The following AP3B1 variants were observed in gnomAD, a reference collection of about 807,000 sequenced individuals.
The protein encoded by AP3B1 is AP-3 complex subunit beta-1.
AP3B1 carries 61 observed loss-of-function variants against 132.5 expected under a neutral mutation model. The observed-to-expected ratio is 0.46, with a 90% CI of 0.37 to 0.57. The LOEUF (loss-of-function observed/expected upper bound fraction) is 0.57. Ranked by LOEUF, AP3B1 falls within the 20% of genes least tolerant of loss-of-function variation. AP3B1 has a pLI of 0.00. For missense variants in AP3B1, 1,120 were observed against 1,289.4 expected, an observed-to-expected ratio of 0.87 and a Z score of 2.01; for synonymous variants, 388 against 438.3, an observed-to-expected ratio of 0.89 and a Z score of 1.43.
intron 2 of AP3B1, among the ~76,000 whole-genome samples, chr5:78,264,363 G>A (rs925975483): frequency 2.6e-5 from 4 of 152,154 alleles, no homozygotes; most frequent in Non-Finnish European, 4.4e-5. Context: ...CAAAAACAGA[G>A]AGAAAAGGTT....
At chr5:78,068,514 G>GA (rs1461338215) in intron 22 of AP3B1, among the ~76,000 whole-genome samples, 2 of 152,214 alleles carry the variant, frequency 1.3e-5, no homozygotes, top group East Asian at 1.9e-4. Flanking sequence ...AAATAAACTA[G>GA]AAAATCTAGA....
At position 78,206,635 on chromosome 5, in the gene AP3B1, G is replaced by T. The variant is rs116096550; in HGVS notation, c.786+9420C>A. On this transcript the variant is annotated intron_variant, in intron 7 of 26. Coordinates refer to ENST00000255194, the MANE Select transcript of AP3B1 (RefSeq NM_003664.5). ...AGAACACGAAATCAATCAAACAGAAGTTCAAAGATAAGATGATAAACTATA... is the reference window on the plus strand; with the variant it reads ...AGAACACGAAATCAATCAAACAGAATTTCAAAGATAAGATGATAAACTATA... Among the ~76,000 whole-genome samples, 528 of 151,970 alleles carry T rather than the reference G, an allele frequency of 3.5e-3. 4 individuals are homozygous for T. The highest frequency in any genetic ancestry group is 0.012 in the African/African-American group (505 of 41,436).
intron 26 of AP3B1, among the ~76,000 whole-genome samples, chr5:78,012,903 A>G (rs767841174): frequency 1.4e-4 from 21 of 152,228 alleles, no homozygotes; most frequent in Non-Finnish European, 2.2e-4. Context: ...TACAGGTATT[A>G]CATTCCAAAC....
intron 7 of AP3B1, among the ~76,000 whole-genome samples, chr5:78,188,248 T>A (rs1179449597): frequency 1.3e-5 from 2 of 152,124 alleles, no homozygotes; most frequent in Admixed American, 1.3e-4. Context: ...CTAATTAAAC[T>A]AAAGAGCTTC....
intron 2 of AP3B1, among the ~76,000 whole-genome samples, chr5:78,246,719 G>T (rs1747393885): frequency 6.6e-6 from 1 of 151,926 alleles, no homozygotes; most frequent in African/African-American, 2.4e-5. Flanking sequence ...TTTTTTCTTG[G>T]TCACTCTGTC....
intron 17 of AP3B1, among the ~76,000 whole-genome samples, chr5:78,118,482 G>A (rs1179685248): frequency 6.6e-6 from 1 of 152,198 alleles, no homozygotes; most frequent in Non-Finnish European, 1.5e-5. Flanking sequence ...CCCTAATACT[G>A]CGCTTTTCCA....
In AP3B1 at chr5:78,123,814, G is replaced by C. The variant is rs542983509; in HGVS notation, c.1968+4216C>G. Among the ~76,000 whole-genome samples the C allele has an allele frequency of 4.1e-4, 63 of 152,082 alleles. 1 individual carries two copies. The highest frequency in any genetic ancestry group is 1.4e-3 in the African/African-American group (58 of 41,486). ...GCGATTCCTCAGGGATCTAGAACTA[G>C]AAATACCATTTGACCCAGCCATCCC... On this transcript the variant is annotated intron_variant, in intron 17 of 26. Transcript: ENST00000255194.
intron 25 of AP3B1, among the ~76,000 whole-genome samples, chr5:78,019,985 GTTAA>G (rs1258606838): frequency 2.0e-5 from 3 of 151,918 alleles, no homozygotes; most frequent in African/African-American, 7.3e-5. Context: ...AAATGTTATC[GTTAA>G]TTAAACACAT....
At chr5:78,287,421 G>C (rs10055744) in intron 1 of AP3B1, among the ~76,000 whole-genome samples, 35,141 of 152,012 alleles carry the variant, frequency 0.23, 4,655 homozygotes, top group Middle Eastern at 0.31. Flanking sequence ...TGGAAAGTAA[G>C]ACTCTGTTTA....
At position 78,202,552 on chromosome 5, in the gene AP3B1, AGT is replaced by A. The variant is rs36209977; in HGVS notation, c.786+13501_786+13502del. Among the ~76,000 whole-genome samples, 697 of 146,136 alleles carry A rather than the reference AGT, an allele frequency of 4.8e-3. 2 individuals are homozygous for A. Among genetic ancestry groups the A allele is most frequent in the African/African-American group, 0.014 (567 of 39,396 alleles). On this transcript the variant is annotated intron_variant, in intron 7 of 26. Transcript: ENST00000255194. ...TACACTAAACATATGCCATATATTC[AGT>A]GTGTGTGTGTGTGTGTGTGTGTGTG...
At chr5:78,244,865 C>A (rs1047096513) in intron 2 of AP3B1, among the ~76,000 whole-genome samples, 3 of 151,720 alleles carry the variant, frequency 2.0e-5, no homozygotes, top group East Asian at 1.9e-4. Context: ...TGTGGTGGTA[C>A]GTGCCTGTAA....
At chr5:78,133,761 T>C (rs1264142968) in intron 15 of AP3B1, among the ~76,000 whole-genome samples, 1 of 152,198 alleles carries the variant, frequency 6.6e-6, no homozygotes, top group Non-Finnish European at 1.5e-5. Context: ...CAATATCATA[T>C]ATACAGCTAT....
chr5:78,234,286 G>A (rs1431395944), intron 3 of AP3B1, among the ~76,000 whole-genome samples: 4 of 152,156 alleles, frequency 2.6e-5, no homozygotes, highest in Non-Finnish European at 5.9e-5. Flanking sequence ...TCCTTTAAAT[G>A]ATCACTTGGA....
chr5:78,241,677 C>A (rs1325964846), intron 2 of AP3B1, among the ~76,000 whole-genome samples: 2 of 152,212 alleles, frequency 1.3e-5, no homozygotes, highest in Admixed American at 6.5e-5. Flanking sequence ...CACTGTTCTA[C>A]AATCTCTGAA....
chr5:78,239,515 T>C (rs1747027044), intron 3 of AP3B1, among the ~76,000 whole-genome samples: 1 of 144,798 alleles, frequency 6.9e-6, no homozygotes, highest in African/African-American at 2.6e-5. Flanking sequence ...TGGTCACGCC[T>C]GTAATCCTAG....
intron 22 of AP3B1, among the ~76,000 whole-genome samples, chr5:78,054,465 C>T (rs1748718810): frequency 6.6e-6 from 1 of 152,136 alleles, no homozygotes; most frequent in Non-Finnish European, 1.5e-5. Flanking sequence ...CTAAAAGGAA[C>T]AGGTGAGCTT....
At position 78,018,689 on chromosome 5, in the gene AP3B1, C is replaced by G. The variant is rs117072117; in HGVS notation, c.2992+2003G>C. Among the ~76,000 whole-genome samples, 370 of 151,948 alleles carry G rather than the reference C, an allele frequency of 2.4e-3. 13 individuals carry two copies. The East Asian group carries it at 0.064, about 26-fold the overall frequency. On this transcript the variant is annotated intron_variant, in intron 25 of 26. Transcript: ENST00000255194. ...CTGGTGTAACACACACACACACACA[C>G]ACACACACACACCCCTTAAATTTAC...
chr5:78,211,132 C>T (rs12520209), intron 7 of AP3B1, among the ~76,000 whole-genome samples: 27,770 of 152,024 alleles, frequency 0.18, 2,785 homozygotes, highest in Admixed American at 0.27. Context: ...TATAAAATGT[C>T]GTGCCCTATA....
chr5:78,281,579 G>A (rs1580589265), intron 1 of AP3B1, among the ~76,000 whole-genome samples: 1 of 151,364 alleles, frequency 6.6e-6, no homozygotes, highest in Middle Eastern at 3.4e-3. Flanking sequence ...AAACTATATT[G>A]AAACTTTTTT....
Sources: gnomAD v4.1 joint callset for allele counts (sites outside exome capture counted in the v4.1 genomes callset) on GRCh38, gnomAD v4.1.1 for gene constraint, MANE v1.5 for transcripts, NCBI Gene and HGNC (gene_info 2026-07-23, HGNC 2026-07-21) for gene names.